The following FUBP3 variants were observed in gnomAD, a reference collection of about 807,000 sequenced individuals.
FUBP3 encodes the protein far upstream element binding protein 3.
A neutral mutation model predicts 85.6 loss-of-function variants in FUBP3; 28 were observed. The ratio of observed to expected loss-of-function variants is 0.33; its 90% CI spans 0.24 to 0.45. The LOEUF (loss-of-function observed/expected upper bound fraction) is 0.45, where lower values mean the gene tolerates loss of function less well. Among genes scored for constraint, FUBP3 ranks in the 20% least tolerant of loss-of-function variants. The probability of loss-of-function intolerance (pLI) is 1.00; values close to 1 mark genes in which losing one functional copy is unlikely to be tolerated. For missense variants in FUBP3, 583 were observed against 755.1 expected (o/e 0.77, Z 2.67); for synonymous variants, 271 against 271.4 (o/e 1.00, Z 0.01).
chr9:130,581,884 G>A (rs1372623792), intron 1 of FUBP3: 1 of 152,162 alleles, frequency 6.6e-6, no homozygotes, highest in East Asian at 1.9e-4. Context: ...GCTGGGATTT[G>A]AACCTGCAGT....
In FUBP3 at chr9:130,635,790, T is replaced by G. The variant is rs975899125; in HGVS notation, c.1583-209T>G. On this transcript the variant is annotated intron_variant, in intron 17 of 18. Transcript: ENST00000319725. The surrounding 1 kb of genome is among the most constrained non-coding windows in gnomAD (Gnocchi z 4.3). ...AGAAGGCAGGCGTGAGGATTGGTCT[T>G]CACAGGCATAGCAGGGGCCGGGCAA... 1 of 573,206 alleles carries G rather than the reference T, an allele frequency of 1.7e-6. No homozygotes were observed. Among genetic ancestry groups the G allele is most frequent in the Non-Finnish European group, 3.1e-6 (1 of 324,074 alleles). 35.5% of individuals were successfully genotyped at this position (573,206 alleles called of 1,614,324 possible).
chr9:130,636,041 A>C lies in FUBP3; in HGVS notation c.1625A>C (p.Asp542Ala), dbSNP rs1830403955. The C allele has an allele frequency of 6.3e-7, 1 of 1,574,844 alleles. No individual in the cohort carries two copies. The highest frequency in any genetic ancestry group is 8.6e-7 in the Non-Finnish European group (1 of 1,162,552). ...SAAPQASSPP[D>A]YTMAWAEYYR... The stretch of plus-strand genomic sequence containing the variant: ...GCTCCTCAGGCCAGCTCCCCACCGG[A>C]CTACACAATGGCCTGGGCAGAATAT... Residue 542 changes from aspartate to alanine, a missense_variant, in exon 18 of 19, where the codon GAC becomes GCC. Transcript: ENST00000319725.
At chr9:130,589,702 T>TTC (rs1830524022) in intron 1 of FUBP3, among the ~76,000 whole-genome samples, 2 of 31,674 alleles carry the variant, frequency 6.3e-5, no homozygotes, top group African/African-American at 3.3e-4. Context: ...TATATATATA[T>TTC]ATATTTTTTT....
chr9:130,622,887 C>G (rs1472757119), intron 10 of FUBP3, 77 bp downstream of exon 10: 2 of 659,320 alleles, frequency 3.0e-6, no homozygotes, highest in African/African-American at 3.8e-5. Flanking sequence ...GATAAAACAC[C>G]TTACAAAACA....
intron 1 of FUBP3, among the ~76,000 whole-genome samples, chr9:130,587,394 G>A (rs1433442315): frequency 1.3e-5 from 2 of 152,092 alleles, no homozygotes; most frequent in Non-Finnish European, 2.9e-5. Flanking sequence ...CTGGAGGATT[G>A]TTGGTGGAAT....
In FUBP3 at chr9:130,580,427, G is replaced by C. The variant is rs552842036; in HGVS notation, c.84+663G>C. On this transcript the variant is annotated intron_variant, in intron 1 of 18. Coordinates refer to ENST00000319725, the MANE Select transcript of FUBP3 (RefSeq NM_003934.2). ...TTAACTGGGTTTTAGAAGGCTCCAG[G>C]CTTCCCCAGAGAGTGAATATGGGAC... 4.2e-4 allele frequency among the ~76,000 whole-genome samples: 64 copies of C among 152,282 alleles called. 1 individual carries two copies. The South Asian group carries it at 0.013, about 31-fold the overall frequency.
chr9:130,636,219 C>T, intron 18 of FUBP3, 93 bp downstream of exon 18: 1 of 1,321,500 alleles, frequency 7.6e-7, no homozygotes. Context: ...GATGAGAGCG[C>T]TGGGCTAGGA....
chr9:130,621,776 G>A (rs1422025053), intron 9 of FUBP3, among the ~76,000 whole-genome samples: 1 of 151,890 alleles, frequency 6.6e-6, no homozygotes, highest in South Asian at 2.1e-4. Context: ...GTGGTGACGC[G>A]TGCCTGTAGT....
intron 1 of FUBP3, among the ~76,000 whole-genome samples, chr9:130,595,264 A>G (rs918350259): frequency 6.6e-6 from 1 of 151,412 alleles, no homozygotes; most frequent in Non-Finnish European, 1.5e-5. Context: ...ATTTTCTGGT[A>G]GAGACACATT....
At chr9:130,600,297 G>A (rs988245399) in intron 2 of FUBP3, among the ~76,000 whole-genome samples, 2 of 152,202 alleles carry the variant, frequency 1.3e-5, no homozygotes, top group East Asian at 1.9e-4. Context: ...ACGTGATGTG[G>A]CCATAAAGAC....
At chr9:130,621,196 C>T (rs571318556) in intron 9 of FUBP3, among the ~76,000 whole-genome samples, 3 of 152,196 alleles carry the variant, frequency 2.0e-5, no homozygotes, top group South Asian at 4.1e-4. Context: ...TTTAAAGAAC[C>T]GCTAGGGCTA....
At chr9:130,631,126 G>C (rs1378603826) in intron 13 of FUBP3, 3 of 1,158,424 alleles carry the variant, frequency 2.6e-6, no homozygotes, top group Non-Finnish European at 3.2e-6. Flanking sequence ...CTGGCGGCCA[G>C]CCCAGCAGGC....
At chr9:130,607,224 G>A (rs140552358) in intron 2 of FUBP3, among the ~76,000 whole-genome samples, 5 of 151,676 alleles carry the variant, frequency 3.3e-5, no homozygotes, top group African/African-American at 1.2e-4. Context: ...TGCCTGCCTT[G>A]GCCTCCCAAA....
intron 10 of FUBP3, 51 bp downstream of exon 10, chr9:130,622,861 T>G (rs757847767): frequency 3.5e-6 from 3 of 863,104 alleles, no homozygotes; most frequent in Admixed American, 2.3e-5. Flanking sequence ...AAAAAAATCC[T>G]TAGTGTTAAA....
chr9:130,625,180 G>A (rs570749567), intron 11 of FUBP3, among the ~76,000 whole-genome samples: 5 of 152,324 alleles, frequency 3.3e-5, no homozygotes, highest in South Asian at 2.1e-4. Flanking sequence ...TTGCATTCCC[G>A]CCTGGGCAAC....
In FUBP3 at chr9:130,635,091, C is replaced by T. The variant is rs916914968; in HGVS notation, c.1582+353C>T. ...AGATTCCGGCTGGGTGCCACCTGGC[C>T]GGCAAACAGACCAACCAGACATCTT... is the stretch of plus-strand genomic sequence containing the variant. On this transcript the variant is annotated intron_variant, in intron 17 of 18. Coordinates refer to ENST00000319725, the MANE Select transcript of FUBP3 (RefSeq NM_003934.2). The surrounding 1 kb of genome is among the most constrained non-coding windows in gnomAD (Gnocchi z 4.3). 2.0e-5 allele frequency among the ~76,000 whole-genome samples: 3 copies of T among 152,136 alleles called. No homozygotes were observed. Among genetic ancestry groups the T allele is most frequent in the Non-Finnish European group, 4.4e-5 (3 of 68,032 alleles).
Position 130,637,783 on chromosome 9 carries a change from TC to T in FUBP3, c.*762del, listed in dbSNP as rs1830466457. 2 of 152,608 alleles carry T rather than the reference TC, an allele frequency of 1.3e-5. No individual in the cohort carries two copies. The highest frequency in any genetic ancestry group is 2.9e-5 in the Non-Finnish European group (2 of 68,042). The allele number at this position is 152,608 out of a possible 1,614,324, so 9.5% of individuals were successfully genotyped here. A position where few individuals can be genotyped will look rare whatever the true frequency, so the allele number is the denominator to read the frequency against. ...TTTAAAACAAAACAAAAAACCTTTCTCTATTATCTCAGAAATATAAATACTG... is the reference window on the plus strand; with the variant it reads ...TTTAAAACAAAACAAAAAACCTTTCTTATTATCTCAGAAATATAAATACTG... On this transcript the variant is annotated 3_prime_UTR_variant, in exon 19 of 19. Coordinates refer to ENST00000319725, the MANE Select transcript of FUBP3 (RefSeq NM_003934.2).
At chr9:130,618,270 C>CA (rs1331614687) in intron 8 of FUBP3, among the ~76,000 whole-genome samples, 1 of 152,158 alleles carries the variant, frequency 6.6e-6, no homozygotes, top group Non-Finnish European at 1.5e-5. Flanking sequence ...TTTTGTTTCC[C>CA]CCACGTCATC....
Position 130,623,637 on chromosome 9 carries a change from G to A in FUBP3, c.901G>A (p.Ala301Thr). 5.0e-6 allele frequency: 8 copies of A among 1,613,662 alleles called. No homozygotes were observed. Among genetic ancestry groups the A allele is most frequent in the Non-Finnish European group, 6.8e-6 (8 of 1,179,634 alleles). The stretch of plus-strand genomic sequence containing the variant: ...TGATGGGATTAGTCCAGAAAGAGCT[G>A]CCCAGGTCATGGGCCCTCCGGATCG... ...PDDGISPERA[A>T]QVMGPPDRCQ... The change falls in exon 11 of 19, where the codon GCC becomes ACC. Residue 301 changes from alanine to threonine, a missense_variant. Physicochemically the swap from Ala to Thr is moderately conservative, Grantham distance 58 (BLOSUM62 0). Coordinates refer to ENST00000319725, the MANE Select transcript of FUBP3 (RefSeq NM_003934.2).
Sources: allele counts gnomAD v4.1 joint callset (sites outside exome capture counted in the v4.1 genomes callset), GRCh38; gene constraint gnomAD v4.1.1; non-coding constraint Gnocchi (gnomAD v3.1); transcripts MANE v1.5; gene names NCBI Gene and HGNC (gene_info 2026-07-23, HGNC 2026-07-21).